Variants in BLTP3B observed in about 807,000 individuals in gnomAD.
The protein encoded by BLTP3B is bridge-like lipid transfer protein family member 3B, also known as UHRF1 (ICBP90) binding protein 1-like.
the BLTP3B span, chr12:100,098,548 A>G: frequency 6.3e-7 from 1 of 1,597,288 alleles, no homozygotes; most frequent in South Asian, 1.1e-5. Context: ...TTCACTGGAA[A>G]AACAAAGCAA....
chr12:100,075,213 T>C, the BLTP3B span, among the ~76,000 whole-genome samples: 1 of 152,136 alleles, frequency 6.6e-6, no homozygotes, highest in Non-Finnish European at 1.5e-5. Context: ...GGTTTCACTA[T>C]GTTGGCCAGG....
the BLTP3B span, chr12:100,069,977 T>C: frequency 4.8e-4 from 575 of 1,208,166 alleles, no homozygotes; most frequent in African/African-American, 8.1e-3. Flanking sequence ...ACTATGATTA[T>C]GCAATAACAG....
the BLTP3B span, among the ~76,000 whole-genome samples, chr12:100,135,742 G>GT: frequency 6.6e-6 from 1 of 152,038 alleles, no homozygotes; most frequent in Non-Finnish European, 1.5e-5. Flanking sequence ...CTTACTATCT[G>GT]TTTCTGATTA....
the BLTP3B span, chr12:100,095,558 A>G: frequency 8.2e-7 from 1 of 1,224,306 alleles, no homozygotes; most frequent in South Asian, 1.4e-5. Flanking sequence ...AGATTCTTGT[A>G]CTCAAAACCT....
chr12:100,098,222 C>T, the BLTP3B span: 2 of 989,824 alleles, frequency 2.0e-6, no homozygotes, highest in South Asian at 1.8e-5. Flanking sequence ...TGTCTCCCCG[C>T]ACCCTCCCCA....
the BLTP3B span, among the ~76,000 whole-genome samples, chr12:100,065,560 G>A: frequency 0.12 from 18,935 of 152,100 alleles, 1,501 homozygotes; most frequent in Middle Eastern, 0.2. Context: ...TGTCTTATGC[G>A]GTTGAGATAA....
chr12:100,056,835 AAG>A, the BLTP3B span, among the ~76,000 whole-genome samples: 1 of 151,386 alleles, frequency 6.6e-6, no homozygotes, highest in Non-Finnish European at 1.5e-5. Context: ...AAAAAAAAAA[AAG>A]AAAGAAAGAA....
At chr12:100,073,800 C>T in the BLTP3B span, among the ~76,000 whole-genome samples, 1 of 152,056 alleles carries the variant, frequency 6.6e-6, no homozygotes, top group Non-Finnish European at 1.5e-5. Flanking sequence ...AAAGAAAATG[C>T]TTTTGATAAA....
chr12:100,069,820 T>C, the BLTP3B span: 4 of 450,654 alleles, frequency 8.9e-6, no homozygotes, highest in East Asian at 1.5e-4. Context: ...AACTTACTTA[T>C]GTAACAAAAC....
At chr12:100,057,107 T>C in the BLTP3B span, among the ~76,000 whole-genome samples, 1 of 152,208 alleles carries the variant, frequency 6.6e-6, no homozygotes, top group African/African-American at 2.4e-5. Context: ...TGTAAATCAG[T>C]AGAATTCACC....
chr12:100,097,377 T>A, the BLTP3B span: 131 of 1,611,532 alleles, frequency 8.1e-5, no homozygotes, highest in Middle Eastern at 1.7e-4. Context: ...TTCTTTTAAG[T>A]GTGACTCTGA....
chr12:100,091,809 CTT>C, the BLTP3B span, among the ~76,000 whole-genome samples: 18 of 134,670 alleles, frequency 1.3e-4, no homozygotes, highest in South Asian at 2.4e-4. Flanking sequence ...CTGGCCAAAT[CTT>C]TTTTTTTTTT....
the BLTP3B span, among the ~76,000 whole-genome samples, chr12:100,124,921 TA>T: frequency 0.065 from 5,608 of 86,424 alleles, 334 homozygotes; most frequent in South Asian, 0.098. Flanking sequence ...GACCCTGCCT[TA>T]AAAAAAAAAA....
the BLTP3B span, among the ~76,000 whole-genome samples, chr12:100,136,279 GT>G: frequency 2.0e-5 from 3 of 150,220 alleles, no homozygotes; most frequent in Admixed American, 6.6e-5. Flanking sequence ...ATTTAAATCA[GT>G]TTTTTTCCTA....
At chr12:100,119,130 A>G in the BLTP3B span, among the ~76,000 whole-genome samples, 1 of 152,096 alleles carries the variant, frequency 6.6e-6, no homozygotes, top group African/African-American at 2.4e-5. Context: ...AAAAATAAAT[A>G]AATAAATTAT....
At chr12:100,121,370 A>C in the BLTP3B span, among the ~76,000 whole-genome samples, 17 of 151,626 alleles carry the variant, frequency 1.1e-4, no homozygotes, top group South Asian at 3.6e-3. Flanking sequence ...AAAAAAAAAA[A>C]AAACAGAAAA....
chr12:100,042,656 A>G, the BLTP3B span, among the ~76,000 whole-genome samples: 1 of 152,204 alleles, frequency 6.6e-6, no homozygotes, highest in Admixed American at 6.5e-5. Flanking sequence ...AAAGTTGAAC[A>G]CTGTTGTCTT....
the BLTP3B span, among the ~76,000 whole-genome samples, chr12:100,110,133 G>C: frequency 3.3e-5 from 5 of 152,250 alleles, no homozygotes; most frequent in African/African-American, 9.6e-5. Flanking sequence ...GCTAACAAGA[G>C]TTAGTCTTTA....
At chr12:100,142,342 C>T in the BLTP3B span, among the ~76,000 whole-genome samples, 1 of 152,204 alleles carries the variant, frequency 6.6e-6, no homozygotes, top group Non-Finnish European at 1.5e-5. Context: ...CCGCCGCGCT[C>T]CGCACTCCGG....
Sources: allele counts gnomAD v4.1 joint callset (sites outside exome capture counted in the v4.1 genomes callset), GRCh38; gene constraint gnomAD v4.1.1; transcripts MANE v1.5; gene names NCBI Gene and HGNC (gene_info 2026-07-23, HGNC 2026-07-21).